Variants in WWOX observed in about 807,000 individuals in gnomAD.
WWOX encodes WW domain containing oxidoreductase, also known as WW domain-containing oxidoreductase.
Under a neutral mutation model 46.2 loss-of-function variants are expected in WWOX, and 69 were observed. That is an observed-to-expected ratio of 1.49 (90% confidence interval 1.23 to 1.82). The LOEUF is 1.82. Ranked by LOEUF, WWOX falls within the 40% of genes most tolerant of loss-of-function variation. The probability of loss-of-function intolerance (pLI) is 0.00; values close to 1 mark genes in which losing one functional copy is unlikely to be tolerated. For missense variants in WWOX, 919 were observed against 542.6 expected, an observed-to-expected ratio of 1.69 and a Z score of -6.89; for synonymous variants, 359 against 202.6, an observed-to-expected ratio of 1.77 and a Z score of -6.56.
At chr16:78,961,465 A>G (rs373007830) in intron 8 of WWOX, among the ~76,000 whole-genome samples, 1 of 151,770 alleles carries the variant, frequency 6.6e-6, no homozygotes, top group East Asian at 1.9e-4. Flanking sequence ...GGGTGGATGG[A>G]TGGATGGATG....
At chr16:78,624,497 C>A (rs1465856018) in intron 8 of WWOX, among the ~76,000 whole-genome samples, 1 of 152,180 alleles carries the variant, frequency 6.6e-6, no homozygotes, top group Non-Finnish European at 1.5e-5. Context: ...TCAAATCTTT[C>A]CCTCACAGGA....
chr16:78,519,914 T>G (rs1244503021), intron 8 of WWOX, among the ~76,000 whole-genome samples: 1 of 152,200 alleles, frequency 6.6e-6, no homozygotes, highest in African/African-American at 2.4e-5. Context: ...GTGAATGGAC[T>G]AAAGGTTTTT....
chr16:78,743,612 G>A (rs1482720816), intron 8 of WWOX, among the ~76,000 whole-genome samples: 1 of 152,242 alleles, frequency 6.6e-6, no homozygotes, highest in South Asian at 2.1e-4. Context: ...TACTCCCTCT[G>A]CAACCCCTCC....
intron 8 of WWOX, among the ~76,000 whole-genome samples, chr16:78,621,592 C>CTTTTTTTT (rs34182797): frequency 0.019 from 596 of 31,530 alleles, 190 homozygotes; most frequent in Non-Finnish European, 0.025. Context: ...TTGTTCTAAT[C>CTTTTTTTT]TTTTTTTTTT....
At chr16:78,920,491 C>G (rs1011368432) in intron 8 of WWOX, among the ~76,000 whole-genome samples, 1 of 152,168 alleles carries the variant, frequency 6.6e-6, no homozygotes, top group Non-Finnish European at 1.5e-5. Context: ...GGAGGAACTG[C>G]TGCCTGCATC....
At chr16:79,194,731 C>T (rs970090095) in intron 8 of WWOX, among the ~76,000 whole-genome samples, 3 of 152,150 alleles carry the variant, frequency 2.0e-5, no homozygotes, top group Non-Finnish European at 2.9e-5. Context: ...TGCTTTCCAT[C>T]GTCCAAAATT....
chr16:78,760,250 A>T (rs1473172003), intron 8 of WWOX, among the ~76,000 whole-genome samples: 5 of 152,148 alleles, frequency 3.3e-5, no homozygotes, highest in African/African-American at 4.8e-5. Flanking sequence ...CTTATTCACT[A>T]CCATGAGAAC....
At chr16:78,217,002 T>G (rs895951221) in intron 5 of WWOX, among the ~76,000 whole-genome samples, 1 of 152,116 alleles carries the variant, frequency 6.6e-6, no homozygotes, top group African/African-American at 2.4e-5. Flanking sequence ...GGATTACAGG[T>G]GTGAGCCACC....
chr16:78,435,468 A>G (rs1003565647), intron 8 of WWOX, among the ~76,000 whole-genome samples: 17 of 152,214 alleles, frequency 1.1e-4, no homozygotes, highest in Middle Eastern at 3.2e-3. Flanking sequence ...CTTGGGTAAA[A>G]GATTAACTGC....
chr16:78,144,472 T>TATATATATATATATACACAC (rs2034116742), intron 4 of WWOX, among the ~76,000 whole-genome samples: 1 of 30,504 alleles, frequency 3.3e-5, no homozygotes, highest in Admixed American at 5.2e-4. Flanking sequence ...TACACACATA[T>TATATATATATATATACACAC]ATATATATAT....
At chr16:79,098,294 C>T (rs1251335548) in intron 8 of WWOX, among the ~76,000 whole-genome samples, 1 of 152,220 alleles carries the variant, frequency 6.6e-6, no homozygotes, top group Non-Finnish European at 1.5e-5. Context: ...GAGGAGGAAA[C>T]TGAGTCTCAG....
chr16:78,371,670 C>G (rs1488953551), intron 5 of WWOX, among the ~76,000 whole-genome samples: 1 of 152,076 alleles, frequency 6.6e-6, no homozygotes, highest in African/African-American at 2.4e-5. Context: ...CTTTATGCAT[C>G]ATCCATTTTT....
intron 8 of WWOX, among the ~76,000 whole-genome samples, chr16:78,645,508 G>A (rs1380556812): frequency 6.6e-6 from 1 of 152,060 alleles, no homozygotes; most frequent in Non-Finnish European, 1.5e-5. Context: ...CAAGAAGCAT[G>A]GTGCCAATGT....
At chr16:78,406,965 A>G (rs1337795793) in intron 6 of WWOX, among the ~76,000 whole-genome samples, 1 of 150,030 alleles carries the variant, frequency 6.7e-6, no homozygotes, top group Non-Finnish European at 1.5e-5. Context: ...GATGCTACCT[A>G]AAATCATCTT....
At chr16:78,537,400 C>T (rs914401583) in intron 8 of WWOX, among the ~76,000 whole-genome samples, 23 of 152,246 alleles carry the variant, frequency 1.5e-4, no homozygotes, top group Admixed American at 3.9e-4. Context: ...GTCTTCTAAG[C>T]GGTGGAACTG....
At chr16:79,210,571 CCCTCT>C (rs1220496407) in intron 8 of WWOX, among the ~76,000 whole-genome samples, 2 of 152,192 alleles carry the variant, frequency 1.3e-5, no homozygotes, top group African/African-American at 4.8e-5. Flanking sequence ...CAACCCCTCT[CCCTCT>C]CATCAGCTGA....
At chr16:79,207,145 A>AC (rs1403313102) in intron 8 of WWOX, among the ~76,000 whole-genome samples, 2 of 151,956 alleles carry the variant, frequency 1.3e-5, no homozygotes, top group Non-Finnish European at 1.5e-5. Flanking sequence ...ATGAGGGCTC[A>AC]CCCCCTCATC....
intron 8 of WWOX, among the ~76,000 whole-genome samples, chr16:78,787,611 C>T (rs568273099): frequency 6.6e-6 from 1 of 152,182 alleles, no homozygotes; most frequent in African/African-American, 2.4e-5. Context: ...ACGAATTATG[C>T]TGCTATGATC....
chr16:78,799,510 A>G (rs910506728), intron 8 of WWOX, among the ~76,000 whole-genome samples: 1 of 152,210 alleles, frequency 6.6e-6, no homozygotes, highest in African/African-American at 2.4e-5. Flanking sequence ...TAATATCGTC[A>G]TCACATGTCA....
Sources: gnomAD v4.1 joint callset for allele counts (sites outside exome capture counted in the v4.1 genomes callset) on GRCh38, gnomAD v4.1.1 for gene constraint, MANE v1.5 for transcripts, NCBI Gene and HGNC (gene_info 2026-07-23, HGNC 2026-07-21) for gene names.